Variants in PTK2 observed in about 807,000 individuals in gnomAD.
The protein encoded by PTK2 is focal adhesion kinase 1.
Under a neutral mutation model 150.1 loss-of-function variants are expected in PTK2, and 45 were observed. That is an observed-to-expected ratio of 0.30 (90% CI 0.24 to 0.38). The LOEUF is 0.38. Among genes scored for constraint, PTK2 ranks in the 10% least tolerant of loss-of-function variants. PTK2 has a pLI of 1.00. For missense variants in PTK2, 919 were observed against 1,307.3 expected, an observed-to-expected ratio of 0.70 and a Z score of 4.58; for synonymous variants, 432 against 449.2, an observed-to-expected ratio of 0.96 and a Z score of 0.48.
intron 21 of PTK2, among the ~76,000 whole-genome samples, chr8:140,736,911 GA>G (rs2100052911): frequency 6.6e-6 from 1 of 152,182 alleles, no homozygotes; most frequent in Admixed American, 6.5e-5. Flanking sequence ...AACCTAGAAT[GA>G]AATCTGCCTC....
At chr8:141,001,999 C>T (rs1338115708), upstream of PTK2, 2 of 152,234 alleles carry the variant, frequency 1.3e-5, no homozygotes, top group East Asian at 3.9e-4. Context: ...GCAATCCCTC[C>T]CGAGGGCTAC....
exon 25 of PTK2, chr8:140,702,707 C>A: frequency 1.2e-6 from 2 of 1,613,608 alleles, no homozygotes; most frequent in South Asian, 1.1e-5. Context: ...TAGCCAGAAA[C>A]CTGTGAATGA....
At chr8:140,826,351 T>C (rs1339679678) in intron 8 of PTK2, among the ~76,000 whole-genome samples, 1 of 152,210 alleles carries the variant, frequency 6.6e-6, no homozygotes, top group Non-Finnish European at 1.5e-5. Flanking sequence ...AGAAGTTTCA[T>C]GGCAATCAGT....
intron 30 of PTK2, among the ~76,000 whole-genome samples, 169 bp from the exon 35 acceptor site, chr8:140,665,166 A>C (rs527756319): frequency 6.6e-6 from 1 of 152,160 alleles, no homozygotes; most frequent in Admixed American, 6.5e-5. Context: ...TTTTTCTCCC[A>C]AAAGATTTAG....
Position 140,822,766 on chromosome 8 carries a change from G to C in PTK2, c.649-3746C>G, listed in dbSNP as rs1014026331. 7.9e-5 allele frequency among the ~76,000 whole-genome samples: 12 copies of C among 152,304 alleles called. No homozygotes were observed. The East Asian group carries it at 1.7e-3, about 22-fold the overall frequency. ...CACTGCCTTGTTACCCCAAAGAAAA[G>C]AGTATAGCCCGCAGCTGAAACTCAA... On this transcript the variant is annotated intron_variant, in intron 8 of 31. Coordinates refer to ENST00000522684, the Ensembl canonical transcript of PTK2.
chr8:140,783,759 C>T (rs2100083197), intron 14 of PTK2, among the ~76,000 whole-genome samples: 1 of 151,956 alleles, frequency 6.6e-6, no homozygotes. Context: ...CCTGAAAAAC[C>T]TAAAAGTAAT....
intron 4 of PTK2, among the ~76,000 whole-genome samples, chr8:140,876,691 T>G (rs1318338308): frequency 6.6e-6 from 1 of 152,202 alleles, no homozygotes; most frequent in Non-Finnish European, 1.5e-5. Flanking sequence ...TCATTCTTCA[T>G]GTTACATAGA....
Position 140,708,968 on chromosome 8 carries a change from C to CAA in PTK2, c.2143-2765_2143-2764dup, listed in dbSNP as rs34259948. ...GTGATGTACTCTTGATAAATTCAGGCAAAAAAAAAAAAAAAGTTACAATTT... is the reference window on the plus strand; with the variant it reads ...GTGATGTACTCTTGATAAATTCAGGCAAAAAAAAAAAAAAAAAGTTACAATTT... On this transcript the variant is annotated intron_variant, in intron 23 of 31. Coordinates refer to ENST00000522684, the Ensembl canonical transcript of PTK2. Among the ~76,000 whole-genome samples the CAA allele has an allele frequency of 9.5e-3, 1,264 of 132,508 alleles. 23 individuals carry two copies. The highest frequency in any genetic ancestry group is 0.027 in the African/African-American group (966 of 35,868). 86.9% of individuals were successfully genotyped at this position (132,508 alleles called of 152,430 possible).
intron 2 of PTK2, among the ~76,000 whole-genome samples, chr8:140,903,435 A>G (rs965182744): frequency 3.1e-4 from 47 of 152,160 alleles, no homozygotes; most frequent in African/African-American, 1.1e-3. Flanking sequence ...GTCAGGTAGC[A>G]TGATGCCTCT....
intron 26 of PTK2, 200 bp from the exon 30 acceptor site, chr8:140,686,894 C>T (rs1490934877): frequency 1.2e-5 from 7 of 572,904 alleles, no homozygotes; most frequent in East Asian, 3.1e-5. Context: ...TCTCCACACA[C>T]GCACACCTTA....
At chr8:140,891,170 C>A (rs957097386) in intron 2 of PTK2, among the ~76,000 whole-genome samples, 2 of 147,788 alleles carry the variant, frequency 1.4e-5, no homozygotes, top group Non-Finnish European at 3.0e-5. Context: ...GAGAAAAGTT[C>A]TTTCTTCATA....
intron 2 of PTK2, among the ~76,000 whole-genome samples, chr8:140,898,061 T>C (rs2100157007): frequency 6.6e-6 from 1 of 152,138 alleles, no homozygotes; most frequent in Non-Finnish European, 1.5e-5. Flanking sequence ...ACTTTTCAAA[T>C]CATCTGTGAT....
At chr8:140,693,771 A>G (rs2100024684) in intron 26 of PTK2, among the ~76,000 whole-genome samples, 1 of 152,060 alleles carries the variant, frequency 6.6e-6, no homozygotes. Context: ...AAGAGATGTG[A>G]CTAGCAGTAG....
intron 14 of PTK2, chr8:140,765,383 A>G (rs2100071734): frequency 6.6e-6 from 1 of 152,210 alleles, no homozygotes; most frequent in South Asian, 2.1e-4. Flanking sequence ...TCACTGGGAT[A>G]TCAATCATTC....
rs78179075 is a variant in PTK2 at position 140,879,654 on chromosome 8, A to C, written c.196-17T>G. On this transcript the variant is annotated splice_polypyrimidine_tract_variant and intron_variant, in intron 3 of 31. Transcript: ENST00000522684. ...AATGATGCCCTAAAACATACCCCCC[A>C]CAAGAATGACTGTTATAAACTGAAA... 1.6e-4 allele frequency: 150 copies of C among 966,240 alleles called. No homozygotes were observed. The highest frequency in any genetic ancestry group is 1.5e-3 in the African/African-American group (82 of 54,292). 59.9% of individuals were successfully genotyped at this position (966,240 alleles called of 1,614,324 possible).
chr8:140,744,399 G>A (rs2100057507), intron 19 of PTK2, among the ~76,000 whole-genome samples: 1 of 152,136 alleles, frequency 6.6e-6, no homozygotes, highest in African/African-American at 2.4e-5. Flanking sequence ...CTCCACGTGT[G>A]TAAAAATCCT....
intron 1 of PTK2, among the ~76,000 whole-genome samples, chr8:140,947,213 C>T (rs1295410854): frequency 6.6e-6 from 1 of 152,124 alleles, no homozygotes; most frequent in African/African-American, 2.4e-5. Flanking sequence ...AATCTCCAAC[C>T]CCAGCATTGC....
chr8:140,790,832 T>C (rs528641993), intron 13 of PTK2, among the ~76,000 whole-genome samples: 2 of 152,234 alleles, frequency 1.3e-5, no homozygotes, highest in Non-Finnish European at 2.9e-5. Flanking sequence ...TATCACAACT[T>C]ATCTTTGAAC....
intron 2 of PTK2, among the ~76,000 whole-genome samples, chr8:140,919,336 T>C (rs544279073): frequency 5.3e-5 from 8 of 152,332 alleles, no homozygotes; most frequent in Admixed American, 3.9e-4. Context: ...GCAAACTTAA[T>C]TGAAAAATAA....
Sources: allele counts gnomAD v4.1 joint callset (sites outside exome capture counted in the v4.1 genomes callset), GRCh38; gene constraint gnomAD v4.1.1; transcripts MANE v1.5; gene names NCBI Gene and HGNC (gene_info 2026-07-23, HGNC 2026-07-21).